Variants in EHHADH observed in about 807,000 individuals in gnomAD.
The protein encoded by EHHADH is peroxisomal bifunctional enzyme.
A neutral mutation model predicts 64.4 loss-of-function variants in EHHADH; 48 were observed. The observed-to-expected ratio is 0.75, with a 90% CI of 0.59 to 0.95. The LOEUF (loss-of-function observed/expected upper bound fraction) is 0.95. Among genes scored for constraint, EHHADH ranks in the 40% least tolerant of loss-of-function variants. EHHADH has a pLI of 0.00. For synonymous variants in EHHADH, 308 were observed against 326.7 expected, an observed-to-expected ratio of 0.94 and a Z score of 0.62; for missense variants, 854 against 876.6, an observed-to-expected ratio of 0.97 and a Z score of 0.33.
intron 6 of EHHADH, among the ~76,000 whole-genome samples, chr3:185,203,332 A>G (rs1441158824): frequency 6.6e-6 from 1 of 152,160 alleles, no homozygotes. Flanking sequence ...TTTTTGTACT[A>G]TTATAACTTT....
At chr3:185,199,862 C>T (rs187425354) in intron 6 of EHHADH, among the ~76,000 whole-genome samples, 9 of 152,314 alleles carry the variant, frequency 5.9e-5, no homozygotes, top group Non-Finnish European at 5.9e-5. Context: ...CTTCCTGCCT[C>T]GGCCCCCCTA....
intron 3 of EHHADH, among the ~76,000 whole-genome samples, chr3:185,232,083 T>G (rs1174014693): frequency 6.6e-6 from 1 of 152,202 alleles, no homozygotes; most frequent in African/African-American, 2.4e-5. Context: ...TGAGGATCTG[T>G]TAGCCATTTA....
chr3:185,247,283 A>T (rs1719620843), intron 2 of EHHADH, among the ~76,000 whole-genome samples: 1 of 152,128 alleles, frequency 6.6e-6, no homozygotes, highest in East Asian at 1.9e-4. Flanking sequence ...TCCAAACTCT[A>T]ATTACATTCT....
chr3:185,203,707 C>A (rs949393648), intron 6 of EHHADH, among the ~76,000 whole-genome samples: 1 of 151,978 alleles, frequency 6.6e-6, no homozygotes, highest in African/African-American at 2.4e-5. Flanking sequence ...GTGAATGGAT[C>A]GGGGGACGGA....
chr3:185,239,521 G>A (rs1200412760), intron 2 of EHHADH, among the ~76,000 whole-genome samples: 2 of 151,882 alleles, frequency 1.3e-5, no homozygotes, highest in Non-Finnish European at 2.9e-5. Context: ...TGTATTCCTA[G>A]GTATTTTATT....
At chr3:185,194,824 A>AAAAAAAAAAAAAAAAAAC (rs1429979242) in intron 6 of EHHADH, among the ~76,000 whole-genome samples, 2 of 146,780 alleles carry the variant, frequency 1.4e-5, no homozygotes, top group Non-Finnish European at 3.0e-5. Context: ...AAAAAAAAAA[A>AAAAAAAAAAAAAAAAAAC]AAAAGAAGCC....
intron 5 of EHHADH, among the ~76,000 whole-genome samples, chr3:185,215,731 T>A (rs1718665214): frequency 6.6e-6 from 1 of 152,180 alleles, no homozygotes; most frequent in South Asian, 2.1e-4. Flanking sequence ...TAACTTATCC[T>A]AAGCTGGAGA....
Position 185,216,919 on chromosome 3 carries a change from C to CA in EHHADH, c.568+1216dup, listed in dbSNP as rs1718694480. Among the ~76,000 whole-genome samples, 1 of 152,042 alleles carries CA rather than the reference C, an allele frequency of 6.6e-6. No homozygotes were observed. Among genetic ancestry groups the CA allele is most frequent in the South Asian group, 2.1e-4 (1 of 4,812 alleles). ...GACTGAAAAGAAACTGTGAAACAAACAAAAAAACCTCTGTGAGTGCCACTG... is the reference window on the plus strand; with the variant it reads ...GACTGAAAAGAAACTGTGAAACAAACAAAAAAAACCTCTGTGAGTGCCACTG... On this transcript the variant is annotated intron_variant, in intron 5 of 6. Coordinates refer to ENST00000231887, the MANE Select transcript of EHHADH (RefSeq NM_001966.4). This position sits in a 1 kb window ranked among gnomAD's most constrained non-coding sequence, Gnocchi z 5.3.
chr3:185,206,630 C>A (rs1204302359), intron 5 of EHHADH, among the ~76,000 whole-genome samples: 2 of 151,956 alleles, frequency 1.3e-5, no homozygotes, highest in East Asian at 1.9e-4. Flanking sequence ...GAGTTCGAGA[C>A]CAGCCTGGGC....
At chr3:185,235,252 C>T (rs1194547826) in intron 3 of EHHADH, 38 bp downstream of exon 3, 32 of 1,541,332 alleles carry the variant, frequency 2.1e-5, no homozygotes, top group Non-Finnish European at 2.6e-5. Context: ...AAAGAAAAGC[C>T]CCACACACCA....
In EHHADH at chr3:185,220,640, A is replaced by C. The variant is rs1718808652; in HGVS notation, c.464-2400T>G. Among the ~76,000 whole-genome samples, 3 of 152,250 alleles carry C rather than the reference A, an allele frequency of 2.0e-5. No individual in the cohort carries two copies. In the South Asian group the frequency reaches 6.2e-4, roughly 32 times the overall value. ...CTGTATCAAAGAACTAAGGATCTAA[A>C]GACATGGCTCTGTATATCCAATCCA... is the stretch of plus-strand genomic sequence containing the variant. On this transcript the variant is annotated intron_variant, in intron 4 of 6. Coordinates refer to ENST00000231887, the MANE Select transcript of EHHADH (RefSeq NM_001966.4).
chr3:185,225,597 C>A (rs946459503), intron 4 of EHHADH, among the ~76,000 whole-genome samples: 29 of 152,084 alleles, frequency 1.9e-4, no homozygotes, highest in African/African-American at 6.8e-4. Flanking sequence ...GAGCATGTTA[C>A]TCCTCTGCTT....
At chr3:185,219,010 T>G (rs1276770352) in intron 4 of EHHADH, among the ~76,000 whole-genome samples, 1 of 151,496 alleles carries the variant, frequency 6.6e-6, no homozygotes, top group Non-Finnish European at 1.5e-5. Context: ...GCAAAAGAGA[T>G]AGACTCCATC....
chr3:185,218,840 T>C (rs1418348146), intron 4 of EHHADH, among the ~76,000 whole-genome samples: 1 of 151,732 alleles, frequency 6.6e-6, no homozygotes, highest in African/African-American at 2.4e-5. Context: ...CTGGCCAACA[T>C]GGTGAAACCC....
intron 4 of EHHADH, among the ~76,000 whole-genome samples, chr3:185,227,761 G>A (rs1405538257): frequency 6.6e-6 from 1 of 152,298 alleles, no homozygotes; most frequent in Admixed American, 6.5e-5. Context: ...GGGAGGCGGA[G>A]GTTGTGGTGA....
rs1446225426 is a variant in EHHADH at position 185,216,209 on chromosome 3, GCTAAGGTTGAGACCTGGAT to G, written c.568+1908_568+1926del. Among the ~76,000 whole-genome samples the G allele has an allele frequency of 6.6e-6, 1 of 152,150 alleles. No homozygotes were observed. The highest frequency in any genetic ancestry group is 2.1e-4 in the South Asian group (1 of 4,826). Reference sequence around the variant, plus strand: ...ATAACCAGACCATTTTAGAAATGTAGCTAAGGTTGAGACCTGGATCCAGGTCTCCTAGATCATGAACCTC... The same window carrying G: ...ATAACCAGACCATTTTAGAAATGTAGCCAGGTCTCCTAGATCATGAACCTC... On this transcript the variant is annotated intron_variant, in intron 5 of 6. Transcript: ENST00000231887. The surrounding 1 kb of genome is among the most constrained non-coding windows in gnomAD (Gnocchi z 5.3).
intron 3 of EHHADH, among the ~76,000 whole-genome samples, 172 bp downstream of exon 3, chr3:185,235,118 T>G (rs1719251525): frequency 6.6e-6 from 1 of 150,536 alleles, no homozygotes; most frequent in African/African-American, 2.4e-5. Context: ...AGGTGGAGGT[T>G]GCAGTGAGCC....
In EHHADH at chr3:185,192,654, A is replaced by G; in HGVS notation, c.1744T>C (p.Tyr582His). 1 of 1,614,180 alleles carries G rather than the reference A, an allele frequency of 6.2e-7. No individual in the cohort carries two copies. The highest frequency in any genetic ancestry group is 1.1e-5 in the South Asian group (1 of 91,082). ...GQKTGKGWYQ[Y>H]DKPLGRIHKP... is the part of the protein sequence containing the mutation. ...TGAATCCTACCCAATGGCTTGTCATATTGATACCAACCCTTACCTGTCTTC... is the reference window on the plus strand; with the variant it reads ...TGAATCCTACCCAATGGCTTGTCATGTTGATACCAACCCTTACCTGTCTTC... Residue 582 changes from tyrosine to histidine, a missense_variant, in exon 7 of 7, where the codon TAT becomes CAT. Tyr to His is a moderately conservative substitution (Grantham distance 83). Coordinates refer to ENST00000231887, the MANE Select transcript of EHHADH (RefSeq NM_001966.4).
chr3:185,206,931 T>G (rs780523400), intron 5 of EHHADH, among the ~76,000 whole-genome samples: 1 of 151,350 alleles, frequency 6.6e-6, no homozygotes, highest in Non-Finnish European at 1.5e-5. Context: ...GTTCATGTCT[T>G]AATTCCTAGA....
Sources: gnomAD v4.1 joint callset for allele counts (sites outside exome capture counted in the v4.1 genomes callset) on GRCh38, gnomAD v4.1.1 for gene constraint, Gnocchi (gnomAD v3.1) non-coding constraint, MANE v1.5 for transcripts, NCBI Gene and HGNC (gene_info 2026-07-23, HGNC 2026-07-21) for gene names.